PRKG1: variants seen among roughly 807,000 people sequenced by gnomAD.
The protein encoded by PRKG1 is cGMP-dependent protein kinase 1.
Under a neutral mutation model 88.1 loss-of-function variants are expected in PRKG1, and 35 were observed. That is an observed-to-expected ratio of 0.40 (90% CI 0.30 to 0.53). PRKG1 has a LOEUF of 0.53. PRKG1 is among the 20% of genes least tolerant of loss of function. The probability of loss-of-function intolerance (pLI) is 0.59; values close to 1 mark genes in which losing one functional copy is unlikely to be tolerated. For synonymous variants in PRKG1, 303 were observed against 292.5 expected (o/e 1.04, Z -0.37); for missense variants, 540 against 839.8 (o/e 0.64, Z 4.41).
intron 4 of PRKG1, among the ~76,000 whole-genome samples, chr10:51,879,975 A>T (rs1475522732): frequency 6.6e-6 from 1 of 152,240 alleles, no homozygotes; most frequent in African/African-American, 2.4e-5. Context: ...AGCATCCTTT[A>T]CATGGAGCAG....
intron 5 of PRKG1, among the ~76,000 whole-genome samples, chr10:51,947,271 T>C (rs145978349): frequency 0.1 from 15,172 of 152,134 alleles, 916 homozygotes; most frequent in Middle Eastern, 0.14. Flanking sequence ...CGGAGCCAGG[T>C]GTGGGATATA....
chr10:52,087,232 C>T (rs999475929), intron 7 of PRKG1, among the ~76,000 whole-genome samples: 5 of 152,082 alleles, frequency 3.3e-5, no homozygotes, highest in Admixed American at 2.6e-4. Flanking sequence ...TTTGCCAATT[C>T]GATGGATAAG....
chr10:51,043,619 A>G (rs1843452807), intron 1 of PRKG1, among the ~76,000 whole-genome samples: 1 of 152,180 alleles, frequency 6.6e-6, no homozygotes, highest in Non-Finnish European at 1.5e-5. Flanking sequence ...TTCTTACTCT[A>G]AGCAGCTCCT....
chr10:51,124,542 T>A (rs1328141197), intron 1 of PRKG1, among the ~76,000 whole-genome samples: 1 of 152,132 alleles, frequency 6.6e-6, no homozygotes, highest in African/African-American at 2.4e-5. Context: ...ATGATTTTGA[T>A]CCCTAAAGGC....
At chr10:52,062,695 T>TA in intron 7 of PRKG1, 64 bp downstream of exon 7, 1 of 1,270,970 alleles carries the variant, frequency 7.9e-7, no homozygotes, top group Non-Finnish European at 1.1e-6. Context: ...GTCTGAAATT[T>TA]TGAGCTCCTA....
chr10:51,894,236 C>T (rs1463283797), intron 4 of PRKG1, among the ~76,000 whole-genome samples: 1 of 152,116 alleles, frequency 6.6e-6, no homozygotes, highest in East Asian at 1.9e-4. Flanking sequence ...AATCTTCCTG[C>T]ACGTTAAAAT....
At chr10:51,017,989 T>G (rs1490471831) in intron 1 of PRKG1, among the ~76,000 whole-genome samples, 5 of 151,798 alleles carry the variant, frequency 3.3e-5, no homozygotes, top group Non-Finnish European at 5.9e-5. Flanking sequence ...TAATTATTAT[T>G]ATTATTATTT....
At chr10:51,492,760 G>A (rs960530173) in intron 3 of PRKG1, among the ~76,000 whole-genome samples, 2 of 152,034 alleles carry the variant, frequency 1.3e-5, no homozygotes, top group African/African-American at 4.8e-5. Flanking sequence ...TGAACTTACA[G>A]GAATTAAATG....
At chr10:52,204,918 G>A (rs1158081654) in intron 9 of PRKG1, among the ~76,000 whole-genome samples, 3 of 152,058 alleles carry the variant, frequency 2.0e-5, no homozygotes, top group Admixed American at 2.0e-4. Context: ...TACCGAAAAC[G>A]GGTAAGAGAA....
intron 2 of PRKG1, among the ~76,000 whole-genome samples, chr10:51,350,224 A>G (rs1207135765): frequency 1.3e-5 from 2 of 152,190 alleles, no homozygotes; most frequent in African/African-American, 2.4e-5. Flanking sequence ...CCAGTCCACA[A>G]TGTACCCTCC....
intron 2 of PRKG1, among the ~76,000 whole-genome samples, chr10:51,187,748 A>T (rs1267692577): frequency 6.6e-6 from 1 of 152,052 alleles, no homozygotes; most frequent in Admixed American, 6.6e-5. Context: ...ATAAGGCTAC[A>T]ATGCCTAAAT....
At chr10:51,996,314 C>CAAAAAAAAAAAAAAAAAAA (rs59174399) in intron 5 of PRKG1, among the ~76,000 whole-genome samples, 1 of 30,008 alleles carries the variant, frequency 3.3e-5, no homozygotes, top group African/African-American at 1.5e-4. Flanking sequence ...GACTCCATCT[C>CAAAAAAAAAAAAAAAAAAA]AAAAAAAAAA....
At chr10:51,227,854 C>G (rs1838734463) in intron 2 of PRKG1, among the ~76,000 whole-genome samples, 1 of 152,164 alleles carries the variant, frequency 6.6e-6, no homozygotes, top group Non-Finnish European at 1.5e-5. Context: ...CTTGCAATCA[C>G]AGCAGGGACT....
At chr10:51,606,620 C>A (rs1838774273) in intron 3 of PRKG1, among the ~76,000 whole-genome samples, 2 of 152,036 alleles carry the variant, frequency 1.3e-5, no homozygotes. Context: ...TTAAAATACT[C>A]ATTTAGAATT....
intron 3 of PRKG1, among the ~76,000 whole-genome samples, chr10:51,785,934 G>T (rs954645619): frequency 6.6e-6 from 1 of 152,150 alleles, no homozygotes; most frequent in African/African-American, 2.4e-5. Flanking sequence ...TAACGCATCT[G>T]TAGCTAGTAA....
At chr10:51,510,247 T>C (rs1294360188) in intron 3 of PRKG1, among the ~76,000 whole-genome samples, 1 of 152,136 alleles carries the variant, frequency 6.6e-6, no homozygotes, top group East Asian at 1.9e-4. Flanking sequence ...CTGTACAACA[T>C]AATGTTTGTA....
intron 2 of PRKG1, among the ~76,000 whole-genome samples, chr10:51,203,486 A>G (rs1837965116): frequency 6.6e-6 from 1 of 152,190 alleles, no homozygotes; most frequent in African/African-American, 2.4e-5. Flanking sequence ...TTTCTGACTA[A>G]AAACCAAGAG....
intron 3 of PRKG1, among the ~76,000 whole-genome samples, chr10:51,621,017 A>ATATATATATATATATT (rs1839196149): frequency 4.8e-5 from 7 of 145,884 alleles, no homozygotes; most frequent in Admixed American, 1.4e-4. Flanking sequence ...GTGTATATAT[A>ATATATATATATATATT]TATATATATA....
intron 7 of PRKG1, among the ~76,000 whole-genome samples, chr10:52,065,514 C>T (rs985576824): frequency 6.8e-6 from 1 of 147,090 alleles, no homozygotes; most frequent in African/African-American, 2.6e-5. Context: ...GTTTTATTTT[C>T]TTTCTATTTC....
Sources: allele counts gnomAD v4.1 joint callset (sites outside exome capture counted in the v4.1 genomes callset), GRCh38; gene constraint gnomAD v4.1.1; transcripts MANE v1.5; gene names NCBI Gene and HGNC (gene_info 2026-07-23, HGNC 2026-07-21).